Variants in LARP4 observed in about 807,000 individuals in gnomAD.
The protein encoded by LARP4 is La ribonucleoprotein 4.
A neutral mutation model predicts 92.9 loss-of-function variants in LARP4; 29 were observed. The ratio of observed to expected loss-of-function variants is 0.31; its 90% CI spans 0.23 to 0.43. The LOEUF is 0.43. LARP4 is among the 20% of genes least tolerant of loss of function. The pLI is 1.00. For missense variants in LARP4, 732 were observed against 860.0 expected, an observed-to-expected ratio of 0.85 and a Z score of 1.86; for synonymous variants, 279 against 284.1, an observed-to-expected ratio of 0.98 and a Z score of 0.18.
intron 8 of LARP4, among the ~76,000 whole-genome samples, chr12:50,442,052 A>AAAC (rs894951175): frequency 3.3e-5 from 5 of 152,350 alleles, no homozygotes; most frequent in East Asian, 1.9e-4. Context: ...CTTGTCTCAA[A>AAAC]AACAACAACA....
intron 4 of LARP4, among the ~76,000 whole-genome samples, chr12:50,431,342 A>G (rs1949629575): frequency 6.6e-6 from 1 of 152,190 alleles, no homozygotes; most frequent in Non-Finnish European, 1.5e-5. Flanking sequence ...TGAAGTTTGC[A>G]TTGGATGTTT....
Position 50,476,943 on chromosome 12 carries a change from G to A in LARP4, c.*1079G>A, listed in dbSNP as rs1957576585. On this transcript the variant is annotated 3_prime_UTR_variant, in exon 16 of 16. Transcript: ENST00000398473. ...GATGGTAGGGCAGACTGACCGTACA[G>A]TAATTTATTTGTCGTTAGTGTTAAA... 1 of 152,268 alleles carries A rather than the reference G, an allele frequency of 6.6e-6. No individual in the cohort carries two copies. Among genetic ancestry groups the A allele is most frequent in the Admixed American group, 6.5e-5 (1 of 15,270 alleles). The allele number at this position is 152,268 out of a possible 1,614,324, so 9.4% of individuals were successfully genotyped here.
chr12:50,440,409 A>C, intron 6 of LARP4, 30 bp from the exon 7 acceptor site: 1 of 1,480,572 alleles, frequency 6.8e-7, no homozygotes, highest in Non-Finnish European at 9.4e-7. Flanking sequence ...TGTATTTTTT[A>C]GAGTTAACTA....
intron 8 of LARP4, among the ~76,000 whole-genome samples, chr12:50,453,103 A>T (rs181494027): frequency 0.014 from 1,894 of 133,690 alleles, 44 homozygotes; most frequent in African/African-American, 0.049. Context: ...CTTGTAAGGG[A>T]TGGGTCTCAC....
chr12:50,435,728 C>A, intron 5 of LARP4, 104 bp downstream of exon 5: 1 of 790,880 alleles, frequency 1.3e-6, no homozygotes. Context: ...CCTCCCCACA[C>A]CCTTATTTTG....
At chr12:50,423,437 T>TA (rs1055680240) in intron 1 of LARP4, among the ~76,000 whole-genome samples, 1 of 152,104 alleles carries the variant, frequency 6.6e-6, no homozygotes, top group African/African-American at 2.4e-5. Flanking sequence ...ACATGCTTTA[T>TA]AAAAAAATCT....
At chr12:50,452,321 A>G (rs1443852091) in intron 8 of LARP4, among the ~76,000 whole-genome samples, 1 of 152,012 alleles carries the variant, frequency 6.6e-6, no homozygotes. Flanking sequence ...AGCTGGGATT[A>G]CAGGCGTGTG....
chr12:50,400,918 G>C lies in LARP4; in HGVS notation c.-93G>C. 1 of 1,561,650 alleles carries C rather than the reference G, an allele frequency of 6.4e-7. No homozygotes were observed. The highest frequency in any genetic ancestry group is 1.7e-5 in the Admixed American group (1 of 59,954). On this transcript the variant is annotated 5_prime_UTR_variant, in exon 1 of 16. Transcript: ENST00000398473. ...CCACTGCCGGGTGGAGGGGCAAGGC[G>C]AGTGTGTGTCCTTATCCTAGCAATT...
intron 10 of LARP4, among the ~76,000 whole-genome samples, chr12:50,460,209 T>A (rs1565709646): frequency 6.6e-6 from 1 of 152,110 alleles, no homozygotes. Flanking sequence ...GATTTAAACA[T>A]GTCGAGAGTG....
intron 1 of LARP4, among the ~76,000 whole-genome samples, chr12:50,418,304 G>A (rs1443879141): frequency 6.6e-6 from 1 of 152,082 alleles, no homozygotes; most frequent in African/African-American, 2.4e-5. Flanking sequence ...GCCTGGCCTA[G>A]GCGTTATGTT....
At chr12:50,430,641 G>T in intron 4 of LARP4, 71 bp downstream of exon 4, 1 of 867,592 alleles carries the variant, frequency 1.2e-6, no homozygotes, top group Non-Finnish European at 1.8e-6. Flanking sequence ...GCGCAAGGAT[G>T]GTGATTATTA....
At chr12:50,459,317 A>G (rs1300674538) in intron 10 of LARP4, among the ~76,000 whole-genome samples, 4 of 151,764 alleles carry the variant, frequency 2.6e-5, no homozygotes, top group African/African-American at 9.7e-5. Context: ...GATTTTAATT[A>G]TATTCCAATA....
intron 12 of LARP4, among the ~76,000 whole-genome samples, chr12:50,464,846 G>A (rs7954152): frequency 0.97 from 147,032 of 151,796 alleles, 71,391 homozygotes; most frequent in East Asian, 1. Context: ...GCTCGCCACC[G>A]TGCCTGGCTA....
chr12:50,447,525 T>A (rs935174309), intron 8 of LARP4, among the ~76,000 whole-genome samples: 13 of 152,308 alleles, frequency 8.5e-5, no homozygotes, highest in African/African-American at 2.6e-4. Flanking sequence ...TAAAATGGTA[T>A]AATTAGTTAC....
chr12:50,475,910 T>C lies in LARP4; in HGVS notation c.*46T>C, dbSNP rs774954071. ...AAACTTCACTCTCTTCCCATTAAAC[T>C]TGAACTGTGGCTATATTGAACTGTT... On this transcript the variant is annotated 3_prime_UTR_variant, in exon 16 of 16. Coordinates refer to ENST00000398473, the MANE Select transcript of LARP4 (RefSeq NM_052879.5). 1.3e-6 allele frequency: 2 copies of C among 1,533,198 alleles called. No homozygotes were observed. Among genetic ancestry groups the C allele is most frequent in the Admixed American group, 3.5e-5 (2 of 56,624 alleles). The allele number at this position is 1,533,198 out of a possible 1,614,324, so 95.0% of individuals were successfully genotyped here.
At chr12:50,456,869 A>G (rs1954348122) in intron 10 of LARP4, among the ~76,000 whole-genome samples, 1 of 152,200 alleles carries the variant, frequency 6.6e-6, no homozygotes, top group Non-Finnish European at 1.5e-5. Context: ...ACATATGCAA[A>G]TACCATATCT....
chr12:50,454,455 AT>A, intron 10 of LARP4, 38 bp downstream of exon 10: 3 of 1,432,924 alleles, frequency 2.1e-6, no homozygotes, highest in African/African-American at 1.4e-5. Flanking sequence ...ATTTTAAACA[AT>A]TCCTAATGGA....
intron 12 of LARP4, among the ~76,000 whole-genome samples, chr12:50,466,032 C>G (rs1956107266): frequency 6.6e-6 from 1 of 152,042 alleles, no homozygotes; most frequent in African/African-American, 2.4e-5. Context: ...ATCACAGAAG[C>G]TAAGAGAAAA....
rs190758426 is a variant in LARP4 at position 50,475,949 on chromosome 12, G to C, written c.*85G>C. On this transcript the variant is annotated 3_prime_UTR_variant, in exon 16 of 16. Coordinates refer to ENST00000398473, the MANE Select transcript of LARP4 (RefSeq NM_052879.5). ...TATTGAACTGTTTTGGAGGGGAGGGGGTAGCCAGGAAGGAAACAAGAGAAA... is the reference window on the plus strand; with the variant it reads ...TATTGAACTGTTTTGGAGGGGAGGGCGTAGCCAGGAAGGAAACAAGAGAAA... 319 of 1,154,632 alleles carry C rather than the reference G, an allele frequency of 2.8e-4. 6 individuals carry two copies. In the South Asian group the frequency reaches 4.8e-3, roughly 17 times the overall value. 71.5% of individuals were successfully genotyped at this position (1,154,632 alleles called of 1,614,324 possible).
Sources: allele counts gnomAD v4.1 joint callset (sites outside exome capture counted in the v4.1 genomes callset), GRCh38; gene constraint gnomAD v4.1.1; transcripts MANE v1.5; gene names NCBI Gene and HGNC (gene_info 2026-07-23, HGNC 2026-07-21).